PARD3: variants seen among roughly 807,000 people sequenced by gnomAD.
PARD3 encodes partitioning defective 3 homolog.
Under a neutral mutation model 155.4 loss-of-function variants are expected in PARD3, and 75 were observed. The observed-to-expected ratio is 0.48, with a 90% CI of 0.40 to 0.58. PARD3 has a LOEUF of 0.58. Among genes scored for constraint, PARD3 ranks in the 20% least tolerant of loss-of-function variants. The pLI, the probability that PARD3 is intolerant of heterozygous loss-of-function variation, is 0.00. For missense variants in PARD3, 1,642 were observed against 1,721.7 expected (o/e 0.95, Z 0.82); for synonymous variants, 576 against 610.5 (o/e 0.94, Z 0.83).
intron 21 of PARD3, among the ~76,000 whole-genome samples, chr10:34,274,963 G>A (rs547026906): frequency 1.3e-5 from 2 of 152,182 alleles, no homozygotes; most frequent in African/African-American, 4.8e-5. Context: ...ATATTCTTTT[G>A]TTCCAAATGA....
At chr10:34,451,750 G>A (rs1379540735) in intron 4 of PARD3, among the ~76,000 whole-genome samples, 1 of 146,260 alleles carries the variant, frequency 6.8e-6, no homozygotes, top group Non-Finnish European at 1.5e-5. Flanking sequence ...AAACTCAGTA[G>A]CAAGATGAAA....
intron 2 of PARD3, among the ~76,000 whole-genome samples, chr10:34,576,446 C>T (rs1044443457): frequency 6.6e-6 from 1 of 151,956 alleles, no homozygotes; most frequent in East Asian, 1.9e-4. Context: ...CATAGAAACA[C>T]ACTGCACTCT....
chr10:34,742,454 T>G (rs10827412), intron 1 of PARD3, among the ~76,000 whole-genome samples: 37,650 of 152,180 alleles, frequency 0.25, 5,435 homozygotes, highest in East Asian at 0.54. Flanking sequence ...CTGGATGGCC[T>G]CTACACAACA....
At chr10:34,681,734 ATATATAT>A (rs1241838380) in intron 2 of PARD3, among the ~76,000 whole-genome samples, 2 of 10,290 alleles carry the variant, frequency 1.9e-4, no homozygotes, top group African/African-American at 7.9e-4. Flanking sequence ...TGTATTTTAT[ATATATAT>A]ATATATATAT....
At chr10:34,134,088 G>A (rs974667566) in intron 22 of PARD3, among the ~76,000 whole-genome samples, 1 of 152,178 alleles carries the variant, frequency 6.6e-6, no homozygotes, top group Non-Finnish European at 1.5e-5. Context: ...ACACTTTTGA[G>A]ACAGGCAGGT....
chr10:34,618,088 G>A (rs190461224), intron 2 of PARD3, among the ~76,000 whole-genome samples: 11 of 152,240 alleles, frequency 7.2e-5, no homozygotes, highest in Non-Finnish European at 1.0e-4. Flanking sequence ...CCACAGGGCT[G>A]TTTAAAACAT....
At chr10:34,589,260 A>C (rs2088407823) in intron 2 of PARD3, among the ~76,000 whole-genome samples, 1 of 152,194 alleles carries the variant, frequency 6.6e-6, no homozygotes, top group African/African-American at 2.4e-5. Context: ...AGCTCCCCAC[A>C]ATCACTTAAA....
intron 20 of PARD3, among the ~76,000 whole-genome samples, chr10:34,314,735 T>C (rs1202061281): frequency 6.6e-6 from 1 of 152,234 alleles, no homozygotes; most frequent in Non-Finnish European, 1.5e-5. Flanking sequence ...TAGCCCTATG[T>C]CCATGCCATA....
intron 14 of PARD3, among the ~76,000 whole-genome samples, chr10:34,349,595 A>AAAAAAAAAAAAAAAAAC (rs1837811576): frequency 6.7e-6 from 1 of 148,526 alleles, no homozygotes; most frequent in Admixed American, 6.7e-5. Flanking sequence ...AAAAAAAAAA[A>AAAAAAAAAAAAAAAAAC]AAAAAAAAAA....
At position 34,184,751 on chromosome 10, in the gene PARD3, T is replaced by A. The variant is rs549686276; in HGVS notation, c.3420-53168A>T. ...GCTATTTTTGTGCCCTTGGTTCTTA[T>A]GCTCAAAGCCTGCAAAAGAGATCAG... On this transcript the variant is annotated intron_variant, in intron 22 of 24. Transcript: ENST00000374788. Among the ~76,000 whole-genome samples, 6 of 151,524 alleles carry A rather than the reference T, an allele frequency of 4.0e-5. 2 individuals are homozygous for A. Among genetic ancestry groups the A allele is most frequent in the African/African-American group, 1.5e-4 (6 of 41,318 alleles).
At chr10:34,266,970 T>A (rs1955344448) in intron 22 of PARD3, among the ~76,000 whole-genome samples, 2 of 152,272 alleles carry the variant, frequency 1.3e-5, no homozygotes, top group South Asian at 4.1e-4. Flanking sequence ...ACAGAACCCA[T>A]CTGACTCCTG....
chr10:34,619,580 G>T (rs997188422), intron 2 of PARD3, among the ~76,000 whole-genome samples: 7 of 151,974 alleles, frequency 4.6e-5, no homozygotes, highest in Non-Finnish European at 8.8e-5. Context: ...CCACCACCAT[G>T]AGATTGGAAT....
intron 1 of PARD3, among the ~76,000 whole-genome samples, chr10:34,720,841 T>A (rs944209881): frequency 1.3e-5 from 2 of 151,986 alleles, no homozygotes; most frequent in African/African-American, 4.8e-5. Flanking sequence ...TAAGTCATGA[T>A]AAAGACATCT....
chr10:34,478,803 A>G lies in PARD3; in HGVS notation c.404-8540T>C, dbSNP rs139306978. ...GGTGATCCACCCACCTGGGCCTCCC[A>G]AAGTGCTGGGATTACAGGCGTGAAT... On this transcript the variant is annotated intron_variant, in intron 3 of 24. Transcript: ENST00000374788. 1.9e-3 allele frequency among the ~76,000 whole-genome samples: 293 copies of G among 152,286 alleles called. 10 individuals carry two copies. In the East Asian group the frequency reaches 0.053, roughly 28 times the overall value.
chr10:34,703,978 T>C (rs1183562811), intron 1 of PARD3, among the ~76,000 whole-genome samples: 1 of 152,076 alleles, frequency 6.6e-6, no homozygotes, highest in Non-Finnish European at 1.5e-5. Context: ...TCCAACAAAA[T>C]AAGGCAATAA....
At chr10:34,696,699 A>C (rs1360710946) in intron 1 of PARD3, among the ~76,000 whole-genome samples, 2 of 150,298 alleles carry the variant, frequency 1.3e-5, no homozygotes. Context: ...TGCATAAGTA[A>C]TACTGATTTC....
At chr10:34,530,697 G>A (rs565617180) in intron 2 of PARD3, among the ~76,000 whole-genome samples, 87 of 152,248 alleles carry the variant, frequency 5.7e-4, no homozygotes, top group African/African-American at 2.0e-3. Flanking sequence ...TGGCTTTCAC[G>A]ATATTTCTAT....
At chr10:34,729,379 A>G (rs1211894921) in intron 1 of PARD3, among the ~76,000 whole-genome samples, 2 of 151,780 alleles carry the variant, frequency 1.3e-5, no homozygotes, top group Non-Finnish European at 2.9e-5. Context: ...AAAAATACAA[A>G]AATTAGCCAG....
chr10:34,173,050 A>C (rs1949873754), intron 22 of PARD3, among the ~76,000 whole-genome samples: 1 of 152,192 alleles, frequency 6.6e-6, no homozygotes, highest in Non-Finnish European at 1.5e-5. Flanking sequence ...GAATTCAAGC[A>C]CTTCTTTGTT....
Sources: allele counts gnomAD v4.1 joint callset (sites outside exome capture counted in the v4.1 genomes callset), GRCh38; gene constraint gnomAD v4.1.1; transcripts MANE v1.5; gene names NCBI Gene and HGNC (gene_info 2026-07-23, HGNC 2026-07-21).